PPP2R2B: variants seen among roughly 807,000 people sequenced by gnomAD.
PPP2R2B encodes the protein serine/threonine-protein phosphatase 2A 55 kDa regulatory subunit B beta isoform.
In PPP2R2B, 5 loss-of-function variants were observed where a neutral mutation model predicts 46.0. The observed-to-expected ratio is 0.11, with a 90% confidence interval of 0.06 to 0.23. The LOEUF is 0.23. Ranked by LOEUF, PPP2R2B falls within the 10% of genes least tolerant of loss-of-function variation. The probability of loss-of-function intolerance (pLI) is 1.00; values close to 1 mark genes in which losing one functional copy is unlikely to be tolerated. For synonymous variants in PPP2R2B, 215 were observed against 206.7 expected (o/e 1.04, Z -0.34); for missense variants, 367 against 575.0 (o/e 0.64, Z 3.70).
At chr5:146,688,940 G>A (rs1418661674) in intron 5 of PPP2R2B, among the ~76,000 whole-genome samples, 1 of 152,016 alleles carries the variant, frequency 6.6e-6, no homozygotes, top group Non-Finnish European at 1.5e-5. Flanking sequence ...ATGTCTCGAG[G>A]GGCAAAAGAC....
At chr5:146,734,754 A>G (rs1279715300) in intron 2 of PPP2R2B, among the ~76,000 whole-genome samples, 2 of 152,314 alleles carry the variant, frequency 1.3e-5, no homozygotes, top group East Asian at 1.9e-4. Flanking sequence ...CTGGTGTGAC[A>G]ACCAAATCCT....
At chr5:146,975,867 C>CAGGGA (rs1752876760) in intron 1 of PPP2R2B, among the ~76,000 whole-genome samples, 1 of 151,938 alleles carries the variant, frequency 6.6e-6, no homozygotes, top group Non-Finnish European at 1.5e-5. Flanking sequence ...TTTACATATT[C>CAGGGA]TGCATATTGA....
chr5:146,926,412 C>T (rs949298514), intron 1 of PPP2R2B, among the ~76,000 whole-genome samples: 8 of 150,284 alleles, frequency 5.3e-5, no homozygotes, highest in Non-Finnish European at 1.0e-4. Flanking sequence ...TTTTTGTTTT[C>T]GAGACGGAGT....
At chr5:146,821,806 G>A (rs1758278975) in intron 2 of PPP2R2B, among the ~76,000 whole-genome samples, 1 of 151,542 alleles carries the variant, frequency 6.6e-6, no homozygotes, top group African/African-American at 2.4e-5. Context: ...TTACATGAAT[G>A]GATTTAACTT....
intron 2 of PPP2R2B, among the ~76,000 whole-genome samples, chr5:146,741,051 T>C (rs1344410782): frequency 7.6e-6 from 1 of 131,346 alleles, no homozygotes; most frequent in Non-Finnish European, 1.7e-5. Flanking sequence ...AAAAAAAAAA[T>C]GCAGATTTTT....
chr5:146,621,856 G>A (rs552314819), intron 7 of PPP2R2B, among the ~76,000 whole-genome samples: 54 of 152,294 alleles, frequency 3.5e-4, no homozygotes, highest in African/African-American at 1.3e-3. Flanking sequence ...ACTTGGTCAT[G>A]GGGAAGGAGA....
chr5:146,667,326 G>GTGCACACACA (rs1491550987), intron 5 of PPP2R2B, among the ~76,000 whole-genome samples: 134 of 50,696 alleles, frequency 2.6e-3, no homozygotes, highest in Non-Finnish European at 5.5e-3. Flanking sequence ...GAATAGGCGT[G>GTGCACACACA]CGCGCGCACA....
At chr5:146,798,565 G>A (rs1266009037) in intron 2 of PPP2R2B, among the ~76,000 whole-genome samples, 1 of 152,146 alleles carries the variant, frequency 6.6e-6, no homozygotes, top group African/African-American at 2.4e-5. Context: ...AATATTATAA[G>A]TACTTTACAA....
Position 146,963,533 on chromosome 5 carries a change from T to C in PPP2R2B, c.79+92132A>G, listed in dbSNP as rs372894587. On this transcript the variant is annotated intron_variant, in intron 1 of 8. Coordinates refer to the PPP2R2B transcript ENST00000336640. ...CCTGCAGAACACTTAATTGAACATA[T>C]TGTGTTAGTTGAGCATTTCTTTGGG... Among the ~76,000 whole-genome samples the C allele has an allele frequency of 5.8e-4, 89 of 152,314 alleles. 1 individual carries two copies. The highest frequency in any genetic ancestry group is 1.7e-3 in the African/African-American group (72 of 41,580).
At chr5:146,804,814 G>T (rs1298328363) in intron 2 of PPP2R2B, among the ~76,000 whole-genome samples, 1 of 152,156 alleles carries the variant, frequency 6.6e-6, no homozygotes, top group Non-Finnish European at 1.5e-5. Context: ...CTGAGGAGAA[G>T]CATATGTTTA....
At chr5:146,897,431 C>T (rs1762682074) in intron 1 of PPP2R2B, among the ~76,000 whole-genome samples, 1 of 152,176 alleles carries the variant, frequency 6.6e-6, no homozygotes, top group East Asian at 1.9e-4. Context: ...GGAGTTGGGT[C>T]TTCAGAGCAA....
chr5:146,885,740 G>A (rs319201), intron 1 of PPP2R2B, among the ~76,000 whole-genome samples: 72,106 of 152,044 alleles, frequency 0.47, 18,466 homozygotes, highest in East Asian at 0.72. Flanking sequence ...TCAACTGATA[G>A]ATGGATAAAC....
At chr5:146,630,946 A>G (rs1016688402) in intron 7 of PPP2R2B, among the ~76,000 whole-genome samples, 1 of 152,226 alleles carries the variant, frequency 6.6e-6, no homozygotes, top group African/African-American at 2.4e-5. Context: ...AACCTGCTCA[A>G]GATCACCAAT....
chr5:147,060,807 A>C (rs1415464101), upstream of PPP2R2B, among the ~76,000 whole-genome samples: 1 of 152,174 alleles, frequency 6.6e-6, no homozygotes, highest in African/African-American at 2.4e-5. Flanking sequence ...TTAGTATCTG[A>C]CACCCTGGCC....
chr5:146,737,055 T>C (rs1186732751), intron 2 of PPP2R2B, among the ~76,000 whole-genome samples: 3 of 152,204 alleles, frequency 2.0e-5, no homozygotes, highest in African/African-American at 7.2e-5. Context: ...TATTACTAAG[T>C]TATTTTACTG....
intron 2 of PPP2R2B, among the ~76,000 whole-genome samples, chr5:146,792,053 T>G (rs1428238374): frequency 1.3e-5 from 2 of 152,314 alleles, no homozygotes; most frequent in East Asian, 3.9e-4. Context: ...TGTGGAACCC[T>G]GCACTATGGC....
chr5:146,889,394 C>A (rs1460065653), intron 1 of PPP2R2B, among the ~76,000 whole-genome samples: 1 of 152,116 alleles, frequency 6.6e-6, no homozygotes. Context: ...TATCAGGTGA[C>A]CTGAACACTA....
chr5:146,731,957 T>C (rs1037148987), intron 2 of PPP2R2B, among the ~76,000 whole-genome samples: 1 of 152,200 alleles, frequency 6.6e-6, no homozygotes, highest in African/African-American at 2.4e-5. Flanking sequence ...AGTTAGAGCG[T>C]AAATATCTCC....
intron 6 of PPP2R2B, among the ~76,000 whole-genome samples, chr5:146,646,600 T>C (rs777148010): frequency 7.2e-5 from 11 of 152,162 alleles, no homozygotes; most frequent in Non-Finnish European, 1.6e-4. Flanking sequence ...CACAAGGCCC[T>C]AGACCTCAGA....
Sources: allele counts gnomAD v4.1 joint callset (sites outside exome capture counted in the v4.1 genomes callset), GRCh38; gene constraint gnomAD v4.1.1; transcripts MANE v1.5; gene names NCBI Gene and HGNC (gene_info 2026-07-23, HGNC 2026-07-21).